ARHGEF12: variants seen among roughly 807,000 people sequenced by gnomAD.
ARHGEF12 encodes KMT2A/ARHGEF12 fusion protein.
In ARHGEF12, 66 loss-of-function variants were observed where a neutral mutation model predicts 211.2. The observed-to-expected ratio is 0.31, with a 90% CI of 0.26 to 0.38. ARHGEF12 has a LOEUF of 0.38. ARHGEF12 is among the 10% of genes least tolerant of loss of function. ARHGEF12 has a pLI of 1.00. For missense variants in ARHGEF12, 1,429 were observed against 1,869.5 expected (o/e 0.76, Z 4.34); for synonymous variants, 592 against 638.4 (o/e 0.93, Z 1.09).
chr11:120,341,488 G>A lies in ARHGEF12; in HGVS notation c.32+4213G>A, dbSNP rs554739684. On this transcript the variant is annotated intron_variant, in intron 1 of 40. Coordinates refer to ENST00000397843, the MANE Select transcript of ARHGEF12 (RefSeq NM_015313.3). Reference sequence around the variant, plus strand: ...TACATATGTTTCTGTGGAGCATTGCGATTCCAGGGAAAACAGTTGGAAAAT... The same window carrying A: ...TACATATGTTTCTGTGGAGCATTGCAATTCCAGGGAAAACAGTTGGAAAAT... Among the ~76,000 whole-genome samples, 17 of 152,332 alleles carry A rather than the reference G, an allele frequency of 1.1e-4. No individual in the cohort carries two copies. In the South Asian group the frequency reaches 3.3e-3, roughly 30 times the overall value.
At chr11:120,371,318 G>C (rs1006754754) in intron 1 of ARHGEF12, among the ~76,000 whole-genome samples, 4 of 152,132 alleles carry the variant, frequency 2.6e-5, no homozygotes, top group African/African-American at 9.7e-5. Flanking sequence ...GAGAAACCCT[G>C]TCTCTCCTAA....
chr11:120,347,112 C>CCT, intron 1 of ARHGEF12, among the ~76,000 whole-genome samples: 1 of 151,738 alleles, frequency 6.6e-6, no homozygotes, highest in East Asian at 1.9e-4. Flanking sequence ...ACTTTTCCAG[C>CCT]CTCTCCCTTT....
intron 37 of ARHGEF12, among the ~76,000 whole-genome samples, chr11:120,479,242 G>T (rs1385991907): frequency 6.6e-6 from 1 of 152,158 alleles, no homozygotes; most frequent in Non-Finnish European, 1.5e-5. Flanking sequence ...GAAGGACAGA[G>T]GATGAGAGAC....
chr11:120,406,603 G>T (rs1251830191), intron 2 of ARHGEF12, among the ~76,000 whole-genome samples: 2 of 152,004 alleles, frequency 1.3e-5, no homozygotes, highest in Admixed American at 1.3e-4. Flanking sequence ...CTGTTGCCCA[G>T]CCTGGAGTGC....
At chr11:120,369,388 C>G (rs1943526157) in intron 1 of ARHGEF12, among the ~76,000 whole-genome samples, 1 of 152,142 alleles carries the variant, frequency 6.6e-6, no homozygotes, top group African/African-American at 2.4e-5. Context: ...CTTGGCCTCC[C>G]AAAGTGCTGG....
Position 120,459,252 on chromosome 11 carries a change from A to G in ARHGEF12, c.2459A>G (p.Glu820Gly). Residue 820 changes from glutamate (E) to glycine (G), a missense_variant, in exon 26 of 41, where the codon GAA becomes GGA. Physicochemically the swap from Glu to Gly is moderately conservative, Grantham distance 98. Transcript: ENST00000397843. ...GTGTTCTATCAGCGAGTATCCAGAG[A>G]AGGAATTCTGTCACCCTCAGAGCTA... ...DQVFYQRVSR[E>G]GILSPSELRK... is the part of the protein sequence containing the mutation. 1 of 1,613,700 alleles carries G rather than the reference A, an allele frequency of 6.2e-7. No homozygotes were observed.
intron 27 of ARHGEF12, chr11:120,464,226 G>A (rs866933162): frequency 6.6e-6 from 1 of 152,152 alleles, no homozygotes; most frequent in Admixed American, 6.5e-5. Flanking sequence ...AGTATGCCAA[G>A]GATTTGCTTC....
chr11:120,349,610 A>T (rs1019646566), intron 1 of ARHGEF12, among the ~76,000 whole-genome samples: 1 of 152,148 alleles, frequency 6.6e-6, no homozygotes, highest in Non-Finnish European at 1.5e-5. Flanking sequence ...TACCTCTCTG[A>T]TCAGCAGTTT....
rs113870158 is a variant in ARHGEF12, at chr11:120,342,990, G to C, written c.32+5715G>C. On this transcript the variant is annotated intron_variant, in intron 1 of 40. Coordinates refer to ENST00000397843, the MANE Select transcript of ARHGEF12 (RefSeq NM_015313.3). ...TAGGTCAAAACATTCCTCGATGTTT[G>C]GTTTATTTTTACCTTATTGTTTTGT... is the stretch of plus-strand genomic sequence containing the variant. Among the ~76,000 whole-genome samples the C allele has an allele frequency of 3.2e-4, 48 of 151,808 alleles. 1 individual carries two copies. Among genetic ancestry groups the C allele is most frequent in the African/African-American group, 1.0e-3 (43 of 41,432 alleles).
rs201069558 is a variant in ARHGEF12, at chr11:120,477,176, T to TC, written c.3366-43_3366-42insC. 1.4e-5 allele frequency: 22 copies of TC among 1,539,452 alleles called. No homozygotes were observed. In the Middle Eastern group the frequency reaches 6.9e-4, roughly 48 times the overall value. On this transcript the variant is annotated intron_variant, in intron 34 of 40. Coordinates refer to ENST00000397843, the MANE Select transcript of ARHGEF12 (RefSeq NM_015313.3). ...CTGAGTATATTTAAAGGATATTTCT[T>TC]TTTTCTTTTTTGTATTTTGGATTTC... is the stretch of plus-strand genomic sequence containing the variant.
intron 30 of ARHGEF12, 95 bp downstream of exon 30, chr11:120,469,483 T>A: frequency 1.0e-6 from 1 of 986,550 alleles, no homozygotes; most frequent in Middle Eastern, 2.2e-4. Context: ...AAACTATCAT[T>A]ACCTAATGGA....
At chr11:120,339,563 G>C (rs1326628307) in intron 1 of ARHGEF12, among the ~76,000 whole-genome samples, 1 of 152,216 alleles carries the variant, frequency 6.6e-6, no homozygotes, top group African/African-American at 2.4e-5. Flanking sequence ...TTGAAGTGCT[G>C]TATGTGGTAT....
intron 4 of ARHGEF12, among the ~76,000 whole-genome samples, chr11:120,418,176 T>C (rs1945084515): frequency 6.6e-6 from 1 of 152,212 alleles, no homozygotes; most frequent in African/African-American, 2.4e-5. Context: ...AAACAGAACA[T>C]TTCCATCACT....
chr11:120,459,103 G>T (rs1040474859), intron 25 of ARHGEF12, 71 bp from the exon 26 acceptor site: 7 of 1,262,770 alleles, frequency 5.5e-6, no homozygotes, highest in Non-Finnish European at 7.3e-6. Context: ...CTTCACTCCA[G>T]CTAAAGACTA....
At chr11:120,381,957 G>A (rs1267510804) in intron 1 of ARHGEF12, among the ~76,000 whole-genome samples, 1 of 152,040 alleles carries the variant, frequency 6.6e-6, no homozygotes, top group African/African-American at 2.4e-5. Flanking sequence ...AGATTGTATC[G>A]GGCTTCTTTC....
chr11:120,437,301 TC>T lies in ARHGEF12; in HGVS notation c.925-6del. On this transcript the variant is annotated splice_polypyrimidine_tract_variant and splice_region_variant and intron_variant, in intron 11 of 40. Transcript: ENST00000397843. ...AAATGAACTGAAGATCTTGTTTTTT[TC>T]ATTAGAGTCCCAAGAGTGGCCCAAA... 4 of 1,602,476 alleles carry T rather than the reference TC, an allele frequency of 2.5e-6. No individual in the cohort carries two copies. Among genetic ancestry groups the T allele is most frequent in the Non-Finnish European group, 3.4e-6 (4 of 1,175,142 alleles).
At chr11:120,348,486 G>A (rs1591484699) in intron 1 of ARHGEF12, among the ~76,000 whole-genome samples, 2 of 152,204 alleles carry the variant, frequency 1.3e-5, no homozygotes, top group South Asian at 2.1e-4. Flanking sequence ...AATTCTACAC[G>A]TAAGTACATA....
chr11:120,385,613 C>A (rs1944006740), intron 1 of ARHGEF12: 3 of 451,724 alleles, frequency 6.6e-6, no homozygotes, highest in African/African-American at 2.1e-5. Flanking sequence ...GATATTTTTA[C>A]ATTGTTCATT....
intron 2 of ARHGEF12, among the ~76,000 whole-genome samples, chr11:120,407,148 G>A (rs949390468): frequency 1.3e-5 from 2 of 152,110 alleles, no homozygotes; most frequent in African/African-American, 4.8e-5. Context: ...ATGTATTATT[G>A]TTATGGTCTT....
Sources: gnomAD v4.1 joint callset for allele counts (sites outside exome capture counted in the v4.1 genomes callset) on GRCh38, gnomAD v4.1.1 for gene constraint, MANE v1.5 for transcripts, NCBI Gene and HGNC (gene_info 2026-07-23, HGNC 2026-07-21) for gene names.